Variants in IKBKB-DT observed in about 807,000 individuals in gnomAD.
The protein encoded by IKBKB-DT is IKBKB divergent transcript.
intron 3 of IKBKB-DT, among the ~76,000 whole-genome samples, chr8:42,241,413 A>T (rs1585460310): frequency 6.6e-6 from 1 of 152,030 alleles, no homozygotes; most frequent in South Asian, 2.1e-4. Context: ...GTTTTTCTTT[A>T]TTCTGCTTTT....
chr8:42,270,091 T>A (rs140662184), intron 1 of IKBKB-DT, among the ~76,000 whole-genome samples: 14 of 152,322 alleles, frequency 9.2e-5, no homozygotes, highest in African/African-American at 3.4e-4. Context: ...TTTGCCTCCT[T>A]CTGAACTTCT....
intron 1 of IKBKB-DT, among the ~76,000 whole-genome samples, chr8:42,268,238 G>A (rs1249514203): frequency 3.3e-5 from 5 of 150,876 alleles, no homozygotes; most frequent in Admixed American, 1.3e-4. Flanking sequence ...GGGTTCAAGC[G>A]ATTCTCCTGC....
At chr8:42,241,615 G>C (rs1187423616) in intron 3 of IKBKB-DT, among the ~76,000 whole-genome samples, 1 of 152,122 alleles carries the variant, frequency 6.6e-6, no homozygotes, top group African/African-American at 2.4e-5. Flanking sequence ...TGAGATGTTA[G>C]AACTATCTGA....
At chr8:42,251,352 A>G (rs1807126575) in intron 3 of IKBKB-DT, among the ~76,000 whole-genome samples, 1 of 152,192 alleles carries the variant, frequency 6.6e-6, no homozygotes, top group South Asian at 2.1e-4. Context: ...TCTTAAACTG[A>G]TACCTGATTT....
intron 1 of IKBKB-DT, among the ~76,000 whole-genome samples, chr8:42,266,946 T>C (rs1807378862): frequency 6.6e-6 from 1 of 152,030 alleles, no homozygotes; most frequent in South Asian, 2.1e-4. Flanking sequence ...GGCTGCTCTG[T>C]CTAAGGAGTA....
intron 3 of IKBKB-DT, among the ~76,000 whole-genome samples, chr8:42,237,029 G>GT (rs1029881225): frequency 3.4e-4 from 52 of 151,160 alleles, no homozygotes; most frequent in African/African-American, 1.2e-3. Context: ...CAATGTAGTT[G>GT]TTTTTTTAAA....
intron 3 of IKBKB-DT, among the ~76,000 whole-genome samples, chr8:42,239,708 C>T (rs1254807273): frequency 5.6e-5 from 8 of 143,228 alleles, no homozygotes; most frequent in South Asian, 2.2e-4. Context: ...TGCAATGGCA[C>T]GATCTTGGCT....
At chr8:42,237,173 G>A (rs937307168) in intron 3 of IKBKB-DT, among the ~76,000 whole-genome samples, 3 of 151,702 alleles carry the variant, frequency 2.0e-5, no homozygotes, top group Admixed American at 6.6e-5. Flanking sequence ...TGCAATCTCC[G>A]CCTCCCGGGT....
At chr8:42,258,629 C>T (rs937723884) in intron 3 of IKBKB-DT, among the ~76,000 whole-genome samples, 1 of 151,720 alleles carries the variant, frequency 6.6e-6, no homozygotes. Flanking sequence ...CCATCATGCC[C>T]GGCTAATTTT....
chr8:42,237,152 T>C (rs1806936017), intron 3 of IKBKB-DT, among the ~76,000 whole-genome samples: 1 of 151,946 alleles, frequency 6.6e-6, no homozygotes, highest in South Asian at 2.1e-4. Flanking sequence ...AGTGGTACAA[T>C]CTCGGCTTGC....
chr8:42,241,279 C>T (rs1807000498), intron 3 of IKBKB-DT, among the ~76,000 whole-genome samples: 1 of 101,918 alleles, frequency 9.8e-6, no homozygotes, highest in African/African-American at 3.7e-5. Flanking sequence ...CTAGGAAGGG[C>T]CAGTTGAAAA....
chr8:42,260,585 G>A (rs1014827592), intron 3 of IKBKB-DT, among the ~76,000 whole-genome samples: 5 of 147,420 alleles, frequency 3.4e-5, no homozygotes, highest in African/African-American at 1.0e-4. Flanking sequence ...CAGGGGAATC[G>A]CTTGACTCTG....
At chr8:42,269,864 C>T (rs1483327248) in intron 1 of IKBKB-DT, among the ~76,000 whole-genome samples, 1 of 152,088 alleles carries the variant, frequency 6.6e-6, no homozygotes, top group Non-Finnish European at 1.5e-5. Flanking sequence ...TTCTATGAGC[C>T]CGCCTGTCCC....
At chr8:42,242,958 G>A (rs965539503) in intron 3 of IKBKB-DT, among the ~76,000 whole-genome samples, 2 of 152,228 alleles carry the variant, frequency 1.3e-5, no homozygotes, top group African/African-American at 4.8e-5. Flanking sequence ...TCACAAGCGC[G>A]AGTTCTGGTA....
intron 3 of IKBKB-DT, among the ~76,000 whole-genome samples, chr8:42,241,902 A>T (rs139792112): frequency 9.7e-4 from 148 of 152,262 alleles, no homozygotes; most frequent in African/African-American, 3.3e-3. Context: ...AGTTAATATG[A>T]AAAAGGGTAC....
At chr8:42,242,545 G>C (rs2979911) in intron 3 of IKBKB-DT, among the ~76,000 whole-genome samples, 1 of 152,188 alleles carries the variant, frequency 6.6e-6, no homozygotes, top group Non-Finnish European at 1.5e-5. Flanking sequence ...TTGTAGCTGA[G>C]TTCTGTAGAG....
At chr8:42,257,770 TA>T (rs1247174795) in intron 3 of IKBKB-DT, among the ~76,000 whole-genome samples, 2 of 150,952 alleles carry the variant, frequency 1.3e-5, no homozygotes, top group African/African-American at 2.4e-5. Context: ...ACCTTATCTC[TA>T]AAAAAAAATT....
exon 1 of IKBKB-DT, chr8:42,271,162 A>G: frequency 1.7e-6 from 1 of 585,466 alleles, no homozygotes; most frequent in Non-Finnish European, 3.1e-6. Context: ...TCAGTTGTCT[A>G]GAGACCACAC....
At chr8:42,258,044 AT>A (rs1807230972) in intron 3 of IKBKB-DT, among the ~76,000 whole-genome samples, 1 of 151,956 alleles carries the variant, frequency 6.6e-6, no homozygotes, top group Non-Finnish European at 1.5e-5. Context: ...TAAGACGCAG[AT>A]TTTTTTCCAC....
Sources: gnomAD v4.1 joint callset for allele counts (sites outside exome capture counted in the v4.1 genomes callset) on GRCh38, gnomAD v4.1.1 for gene constraint, MANE v1.5 for transcripts, NCBI Gene and HGNC (gene_info 2026-07-23, HGNC 2026-07-21) for gene names.